The following GRIK1 variants were observed in gnomAD, a reference collection of about 807,000 sequenced individuals.
GRIK1 encodes glutamate ionotropic receptor kainate type subunit 1, also known as glutamate receptor ionotropic, kainate 1.
GRIK1 carries 69 observed loss-of-function variants against 105.7 expected under a neutral mutation model. The ratio of observed to expected loss-of-function variants is 0.65; its 90% CI spans 0.54 to 0.80. The LOEUF (loss-of-function observed/expected upper bound fraction) is 0.80, where lower values mean the gene tolerates loss of function less well. GRIK1 is among the 30% of genes least tolerant of loss of function. The pLI is 0.00. For missense variants in GRIK1, 1,109 were observed against 1,167.3 expected (o/e 0.95, Z 0.73); for synonymous variants, 438 against 431.3 (o/e 1.02, Z -0.19).
At chr21:29,733,661 A>G (rs2064696999) in intron 1 of GRIK1, among the ~76,000 whole-genome samples, 1 of 152,112 alleles carries the variant, frequency 6.6e-6, no homozygotes, top group Non-Finnish European at 1.5e-5. Context: ...ACATTTCTTC[A>G]TCACTTTCTT....
intron 1 of GRIK1, among the ~76,000 whole-genome samples, chr21:29,899,593 C>A (rs2070317119): frequency 6.6e-6 from 1 of 151,260 alleles, no homozygotes; most frequent in African/African-American, 2.4e-5. Flanking sequence ...TATTTATAAA[C>A]CACTCCCAGA....
chr21:29,793,894 A>G (rs1413688872), intron 1 of GRIK1, among the ~76,000 whole-genome samples: 2 of 152,206 alleles, frequency 1.3e-5, no homozygotes, highest in African/African-American at 4.8e-5. Context: ...GCACTTTGTT[A>G]ACCTTCTTCA....
intron 1 of GRIK1, among the ~76,000 whole-genome samples, chr21:29,859,142 C>T (rs1052472406): frequency 3.4e-5 from 5 of 146,094 alleles, no homozygotes; most frequent in South Asian, 2.2e-4. Context: ...TGTTCTCACT[C>T]ATAGGTGGGA....
At chr21:29,804,513 G>T (rs1259157525) in intron 1 of GRIK1, among the ~76,000 whole-genome samples, 2 of 152,120 alleles carry the variant, frequency 1.3e-5, no homozygotes, top group Non-Finnish European at 2.9e-5. Context: ...TGAATACAAT[G>T]AATATAGAAG....
intron 1 of GRIK1, among the ~76,000 whole-genome samples, chr21:29,787,997 A>G (rs2066305760): frequency 1.3e-5 from 2 of 152,230 alleles, no homozygotes; most frequent in Admixed American, 6.5e-5. Flanking sequence ...TTGAGACAAT[A>G]TAATTACTTC....
At chr21:29,871,741 C>A (rs1238651426) in intron 1 of GRIK1, among the ~76,000 whole-genome samples, 3 of 149,814 alleles carry the variant, frequency 2.0e-5, no homozygotes, top group African/African-American at 7.3e-5. Flanking sequence ...GTGACTACTA[C>A]CAAAAGCCAA....
chr21:29,829,682 G>T (rs1310195144), intron 1 of GRIK1, among the ~76,000 whole-genome samples: 1 of 152,138 alleles, frequency 6.6e-6, no homozygotes, highest in African/African-American at 2.4e-5. Flanking sequence ...GGACCTCTCT[G>T]CCATGGAATG....
intron 1 of GRIK1, among the ~76,000 whole-genome samples, chr21:29,803,766 T>C (rs1658731954): frequency 1.3e-5 from 2 of 152,068 alleles, no homozygotes; most frequent in East Asian, 1.9e-4. Flanking sequence ...CCAGCTAAGA[T>C]GGCTATTATT....
intron 7 of GRIK1, among the ~76,000 whole-genome samples, chr21:29,615,131 T>A (rs779739582): frequency 6.6e-6 from 1 of 151,618 alleles, no homozygotes; most frequent in African/African-American, 2.4e-5. Context: ...AATGCATAGT[T>A]TTTTTCTTTG....
chr21:29,838,527 G>A (rs186747906), intron 1 of GRIK1, among the ~76,000 whole-genome samples: 2 of 152,176 alleles, frequency 1.3e-5, no homozygotes, highest in Non-Finnish European at 2.9e-5. Context: ...TGCTCTCCGG[G>A]AGTTCTGGCT....
At chr21:29,792,452 C>T (rs2066445132) in intron 1 of GRIK1, among the ~76,000 whole-genome samples, 1 of 152,082 alleles carries the variant, frequency 6.6e-6, no homozygotes, top group African/African-American at 2.4e-5. Context: ...TTTGCCATTC[C>T]CATCGTTATG....
At chr21:29,808,631 T>C (rs1454786526) in intron 1 of GRIK1, among the ~76,000 whole-genome samples, 2 of 152,220 alleles carry the variant, frequency 1.3e-5, no homozygotes, top group African/African-American at 2.4e-5. Flanking sequence ...CAGCATTCAA[T>C]GCCAGTGTTC....
rs2090536565 is a variant in GRIK1 at position 29,563,528 on chromosome 21, C to G, written c.2131-1679G>C. On this transcript the variant is annotated intron_variant, in intron 14 of 17. Transcript: ENST00000327783. ...CCCCGGAGATATCTGCAAGCTGCAG[C>G]TCATGTCCCCATAACAAAGGCGTGT... Among the ~76,000 whole-genome samples the G allele has an allele frequency of 2.6e-5, 4 of 152,166 alleles. No homozygotes were observed. The South Asian group carries it at 8.3e-4, about 32-fold the overall frequency.
intron 1 of GRIK1, among the ~76,000 whole-genome samples, chr21:29,938,032 A>T (rs753569372): frequency 6.6e-6 from 1 of 152,238 alleles, no homozygotes; most frequent in Non-Finnish European, 1.5e-5. Flanking sequence ...AGTATTTGAT[A>T]TCTGCAGCTC....
At chr21:29,594,979 G>T (rs778502399) in intron 9 of GRIK1, among the ~76,000 whole-genome samples, 8 of 152,126 alleles carry the variant, frequency 5.3e-5, no homozygotes, top group Non-Finnish European at 1.0e-4. Context: ...TTTTGTTTAA[G>T]TTGGAGACTT....
intron 1 of GRIK1, among the ~76,000 whole-genome samples, chr21:29,751,865 G>A (rs1358872498): frequency 6.6e-6 from 1 of 152,142 alleles, no homozygotes; most frequent in East Asian, 1.9e-4. Flanking sequence ...CCACTTACGG[G>A]GGTTTTCTTT....
intron 4 of GRIK1, among the ~76,000 whole-genome samples, chr21:29,662,783 T>G (rs1003390251): frequency 6.6e-6 from 1 of 152,184 alleles, no homozygotes; most frequent in African/African-American, 2.4e-5. Context: ...AAAAATAATT[T>G]ATATCAGTGT....
At chr21:29,932,513 C>T (rs1372991389) in intron 1 of GRIK1, among the ~76,000 whole-genome samples, 1 of 151,992 alleles carries the variant, frequency 6.6e-6, no homozygotes, top group African/African-American at 2.4e-5. Flanking sequence ...ATTTTTACTT[C>T]TTTCCTTTTT....
intron 1 of GRIK1, among the ~76,000 whole-genome samples, chr21:29,822,125 A>G (rs2067322271): frequency 6.6e-6 from 1 of 152,060 alleles, no homozygotes; most frequent in Admixed American, 6.6e-5. Flanking sequence ...GCATCAGGAA[A>G]GTGTTTCTGT....
Sources: allele counts gnomAD v4.1 joint callset (sites outside exome capture counted in the v4.1 genomes callset), GRCh38; gene constraint gnomAD v4.1.1; transcripts MANE v1.5; gene names NCBI Gene and HGNC (gene_info 2026-07-23, HGNC 2026-07-21).